Variants in PPP1R9A observed in about 807,000 individuals in gnomAD.
PPP1R9A encodes the protein protein phosphatase 1 regulatory subunit 9A, also known as neurabin-1.
Under a neutral mutation model 141.9 loss-of-function variants are expected in PPP1R9A, and 59 were observed. The observed-to-expected ratio is 0.42, with a 90% confidence interval of 0.34 to 0.52. The LOEUF (loss-of-function observed/expected upper bound fraction) is 0.52, where lower values mean the gene tolerates loss of function less well. Ranked by LOEUF, PPP1R9A falls within the 20% of genes least tolerant of loss-of-function variation. PPP1R9A has a pLI of 0.10. For missense variants in PPP1R9A, 1,444 were observed against 1,611.9 expected (o/e 0.90, Z 1.78); for synonymous variants, 500 against 569.7 (o/e 0.88, Z 1.74).
At position 95,185,378 on chromosome 7, in the gene PPP1R9A, A is replaced by ATTTTTTTTTTTTTT. The variant is rs147366122; in HGVS notation, c.1755-12961_1755-12960insTTTTTTTTTTTTTT. Reference sequence around the variant, plus strand: ...TGTCCCTAGCCCACTTTTTTATGGGATTTTTTTTTTGTCTTACTGATTGGC... The same window carrying ATTTTTTTTTTTTTT: ...TGTCCCTAGCCCACTTTTTTATGGGATTTTTTTTTTTTTTTTTTTTTTTTGTCTTACTGATTGGC... On this transcript the variant is annotated intron_variant, in intron 5 of 19. Coordinates refer to ENST00000433360, the MANE Select transcript of PPP1R9A (RefSeq NM_001166160.2). Among the ~76,000 whole-genome samples the ATTTTTTTTTTTTTT allele has an allele frequency of 1.1e-3, 163 of 148,860 alleles. 1 individual carries two copies. The highest frequency in any genetic ancestry group is 3.9e-3 in the African/African-American group (158 of 40,508).
intron 2 of PPP1R9A, among the ~76,000 whole-genome samples, chr7:94,955,188 C>T (rs1428299112): frequency 1.3e-5 from 2 of 151,296 alleles, no homozygotes; most frequent in South Asian, 2.1e-4. Context: ...ATTATTAAGC[C>T]CTCTCATTTT....
intron 16 of PPP1R9A, among the ~76,000 whole-genome samples, chr7:95,280,444 G>A (rs1803984573): frequency 6.6e-6 from 1 of 152,112 alleles, no homozygotes; most frequent in Non-Finnish European, 1.5e-5. Context: ...TGTTTAGCTG[G>A]CAATTTAATT....
chr7:94,993,586 A>G (rs1801786577), intron 2 of PPP1R9A, among the ~76,000 whole-genome samples: 1 of 152,152 alleles, frequency 6.6e-6, no homozygotes, highest in Non-Finnish European at 1.5e-5. Context: ...TCTAGTTTCT[A>G]GTGTACATAT....
At chr7:95,227,594 C>A (rs1795318765) in intron 8 of PPP1R9A, among the ~76,000 whole-genome samples, 1 of 152,170 alleles carries the variant, frequency 6.6e-6, no homozygotes, top group African/African-American at 2.4e-5. Context: ...TTGTTTGTGG[C>A]TGATAACATA....
intron 5 of PPP1R9A, among the ~76,000 whole-genome samples, chr7:95,180,355 C>T (rs1833555221): frequency 6.6e-6 from 1 of 152,118 alleles, no homozygotes; most frequent in Admixed American, 6.6e-5. Flanking sequence ...ATCCTCATCT[C>T]TCACCTTATA....
At chr7:95,116,465 A>AATAAAT (rs1821539392) in intron 3 of PPP1R9A, among the ~76,000 whole-genome samples, 1 of 152,202 alleles carries the variant, frequency 6.6e-6, no homozygotes, top group Admixed American at 6.5e-5. Flanking sequence ...TGAAAATGGG[A>AATAAAT]AAAATATTTT....
At chr7:94,964,536 C>T (rs1797994018) in intron 2 of PPP1R9A, among the ~76,000 whole-genome samples, 1 of 152,050 alleles carries the variant, frequency 6.6e-6, no homozygotes, top group Non-Finnish European at 1.5e-5. Flanking sequence ...CTCCCTGTGT[C>T]CATGTGATCT....
chr7:95,029,628 A>G (rs1237671640), intron 2 of PPP1R9A, among the ~76,000 whole-genome samples: 1 of 152,206 alleles, frequency 6.6e-6, no homozygotes, highest in Non-Finnish European at 1.5e-5. Context: ...TAACTTTGGT[A>G]AAGAACTATT....
intron 5 of PPP1R9A, 109 bp from the exon 6 acceptor site, chr7:95,198,240 A>T: frequency 9.9e-7 from 1 of 1,009,490 alleles, no homozygotes; most frequent in Non-Finnish European, 1.4e-6. Context: ...AGGTGATATT[A>T]CTTTCTTGAG....
In PPP1R9A at chr7:95,171,974, T is replaced by C. The variant is rs116337261; in HGVS notation, c.1754+10003T>C. ...TTGTTTGAATGTATGGTTGATTTAA[T>C]GTTTATGAATCAACCCATGGAATTT... On this transcript the variant is annotated intron_variant, in intron 5 of 19. Coordinates refer to ENST00000433360, the MANE Select transcript of PPP1R9A (RefSeq NM_001166160.2). 8.8e-3 allele frequency among the ~76,000 whole-genome samples: 1,333 copies of C among 151,768 alleles called. 16 individuals carry two copies. Among genetic ancestry groups the C allele is most frequent in the African/African-American group, 0.031 (1,278 of 41,522 alleles).
chr7:95,273,302 G>T (rs968596137), intron 14 of PPP1R9A, among the ~76,000 whole-genome samples: 1 of 152,152 alleles, frequency 6.6e-6, no homozygotes, highest in African/African-American at 2.4e-5. Flanking sequence ...ATGTTTTGTA[G>T]CTGAGCCCCT....
intron 4 of PPP1R9A, among the ~76,000 whole-genome samples, chr7:95,130,147 T>G (rs971492226): frequency 4.6e-5 from 7 of 152,116 alleles, no homozygotes; most frequent in Admixed American, 3.3e-4. Context: ...CATCACAGGC[T>G]GGGAGGCCTA....
intron 2 of PPP1R9A, among the ~76,000 whole-genome samples, chr7:95,038,117 A>G (rs1808709458): frequency 6.6e-6 from 1 of 151,934 alleles, no homozygotes; most frequent in African/African-American, 2.4e-5. Context: ...GTCTTAAAAA[A>G]AAAAAAGACG....
intron 2 of PPP1R9A, among the ~76,000 whole-genome samples, chr7:94,963,119 TAAAC>T (rs1003033634): frequency 3.9e-5 from 6 of 152,060 alleles, no homozygotes; most frequent in East Asian, 1.9e-4. Context: ...CCATAAAATA[TAAAC>T]AAACAATTCT....
chr7:94,932,386 T>G (rs1794263271), intron 2 of PPP1R9A, among the ~76,000 whole-genome samples: 1 of 152,244 alleles, frequency 6.6e-6, no homozygotes, highest in Non-Finnish European at 1.5e-5. Context: ...CAAACATTTA[T>G]TATTGAATTC....
intron 8 of PPP1R9A, among the ~76,000 whole-genome samples, chr7:95,242,418 A>G (rs1423465118): frequency 6.6e-6 from 1 of 152,150 alleles, no homozygotes; most frequent in Non-Finnish European, 1.5e-5. Context: ...CTGCAAAGAT[A>G]TTTTTCACTT....
rs1281239292 is a variant in PPP1R9A, at chr7:94,910,477, G to A, written c.364G>A (p.Glu122Lys). The A allele has an allele frequency of 6.2e-7, 1 of 1,614,162 alleles. No individual in the cohort carries two copies. The highest frequency in any genetic ancestry group is 1.7e-5 in the Admixed American group (1 of 60,016). The change falls in exon 2 of 20, where the codon GAA becomes AAA. Residue 122 changes from glutamate to lysine, a missense_variant. Glu to Lys is a moderately conservative substitution (Grantham distance 56). Transcript: ENST00000433360. The surrounding 1 kb of genome is among the most constrained non-coding windows in gnomAD (Gnocchi z 4.5). ...SVVKLESSVS[E>K]RISRFDTMYD... ...TGTTAAGTTGGAGTCTTCTGTTTCT[G>A]AACGAATTAGTAGATTTGACACTAT...
chr7:95,180,385 G>A (rs994147305), intron 5 of PPP1R9A, among the ~76,000 whole-genome samples: 15 of 152,100 alleles, frequency 9.9e-5, no homozygotes, highest in African/African-American at 3.6e-4. Flanking sequence ...ACTCAAGATG[G>A]ATTAAGGACT....
intron 2 of PPP1R9A, among the ~76,000 whole-genome samples, chr7:95,007,313 A>G (rs974482791): frequency 5.3e-5 from 8 of 152,156 alleles, no homozygotes; most frequent in African/African-American, 1.9e-4. Flanking sequence ...TGTCCTGTGC[A>G]TTGTAGGATG....
Sources: gnomAD v4.1 joint callset for allele counts (sites outside exome capture counted in the v4.1 genomes callset) on GRCh38, gnomAD v4.1.1 for gene constraint, Gnocchi (gnomAD v3.1) non-coding constraint, MANE v1.5 for transcripts, NCBI Gene and HGNC (gene_info 2026-07-23, HGNC 2026-07-21) for gene names.